The following ATXN1 variants were observed in gnomAD, a reference collection of about 807,000 sequenced individuals.
The protein encoded by ATXN1 is ataxin-1.
A neutral mutation model predicts 56.4 loss-of-function variants in ATXN1; 8 were observed. The observed-to-expected ratio is 0.14, with a 90% CI of 0.08 to 0.26. The LOEUF (loss-of-function observed/expected upper bound fraction) is 0.26, where lower values mean the gene tolerates loss of function less well. Ranked by LOEUF, ATXN1 falls within the 10% of genes least tolerant of loss-of-function variation. The pLI is 1.00. For synonymous variants in ATXN1, 514 were observed against 494.6 expected (o/e 1.04, Z -0.52); for missense variants, 987 against 1,106.5 (o/e 0.89, Z 1.53).
At chr6:16,349,211 A>G (rs562003075) in intron 6 of ATXN1, among the ~76,000 whole-genome samples, 40 of 152,326 alleles carry the variant, frequency 2.6e-4, no homozygotes, top group Admixed American at 2.1e-3. Context: ...GCATAAAAAA[A>G]TCACATTTTC....
chr6:16,712,518 G>A (rs989932635), intron 2 of ATXN1, among the ~76,000 whole-genome samples: 1 of 152,118 alleles, frequency 6.6e-6, no homozygotes, highest in South Asian at 2.1e-4. Flanking sequence ...TGAACTGAAC[G>A]CAAGAAGTAG....
chr6:16,639,601 A>G (rs72825575), intron 3 of ATXN1, among the ~76,000 whole-genome samples: 70 of 150,910 alleles, frequency 4.6e-4, no homozygotes, highest in Admixed American at 8.7e-4. Context: ...GGCCTGAGCC[A>G]TTGCGCCCGG....
Position 16,705,128 on chromosome 6 carries a change from C to T in ATXN1, c.-614-47227G>A, listed in dbSNP as rs542167553. ...CAGCAGTTCACACAGAAGCCAAAAT[C>T]CAGGTAGTGAGCCTATGCTGGGACT... On this transcript the variant is annotated intron_variant, in intron 2 of 7. Coordinates refer to ENST00000436367, the MANE Select transcript of ATXN1 (RefSeq NM_001128164.2). Among the ~76,000 whole-genome samples the T allele has an allele frequency of 4.0e-4, 61 of 152,294 alleles. No homozygotes were observed. The South Asian group carries it at 8.7e-3, about 22-fold the overall frequency.
intron 2 of ATXN1, among the ~76,000 whole-genome samples, chr6:16,694,403 G>A (rs1759116371): frequency 1.3e-5 from 2 of 152,098 alleles, no homozygotes; most frequent in East Asian, 1.9e-4. Context: ...ACAGGTGTGT[G>A]CCACCACGCC....
At chr6:16,639,695 C>G (rs927889272) in intron 3 of ATXN1, among the ~76,000 whole-genome samples, 1 of 152,216 alleles carries the variant, frequency 6.6e-6, no homozygotes, top group Non-Finnish European at 1.5e-5. Flanking sequence ...ATTGTTCTAA[C>G]AGAAATCTGA....
intron 6 of ATXN1, among the ~76,000 whole-genome samples, chr6:16,466,897 T>C (rs1318585823): frequency 6.6e-6 from 1 of 152,256 alleles, no homozygotes; most frequent in African/African-American, 2.4e-5. Context: ...ATTAATGTTC[T>C]TTCCATCTCA....
At chr6:16,562,393 A>C (rs1762135420) in intron 4 of ATXN1, among the ~76,000 whole-genome samples, 1 of 148,498 alleles carries the variant, frequency 6.7e-6, no homozygotes, top group African/African-American at 2.5e-5. Flanking sequence ...AAAAAGAAGA[A>C]GAAGAAAGAA....
At position 16,302,669 on chromosome 6, in the gene ATXN1, T is replaced by G. The variant is rs1349485613; in HGVS notation, c.*3660A>C. 6.6e-6 allele frequency: 1 copy of G among 152,640 alleles called. No individual in the cohort carries two copies. Among genetic ancestry groups the G allele is most frequent in the Non-Finnish European group, 1.5e-5 (1 of 68,036 alleles). 9.5% of individuals were successfully genotyped at this position (152,640 alleles called of 1,614,324 possible). On this transcript the variant is annotated 3_prime_UTR_variant, in exon 8 of 8. Coordinates refer to ENST00000436367, the MANE Select transcript of ATXN1 (RefSeq NM_001128164.2). ...TTGTTTGTTGGTTTCTTATTAATAG[T>G]ATTATTTTTTTCTTTTCGCCCTGAC...
intron 3 of ATXN1, among the ~76,000 whole-genome samples, chr6:16,603,464 AC>A: frequency 6.6e-6 from 1 of 152,282 alleles, no homozygotes; most frequent in East Asian, 1.9e-4. Context: ...TTGAGTGTAC[AC>A]AGCCTTGAGT....
At chr6:16,629,343 CCT>C (rs1763464373) in intron 3 of ATXN1, among the ~76,000 whole-genome samples, 1 of 152,188 alleles carries the variant, frequency 6.6e-6, no homozygotes, top group South Asian at 2.1e-4. Context: ...CCCGCCTCCC[CCT>C]GAGGCAGAGT....
chr6:16,610,934 G>C (rs187533290), intron 3 of ATXN1, among the ~76,000 whole-genome samples: 73 of 152,116 alleles, frequency 4.8e-4, no homozygotes, highest in African/African-American at 1.6e-3. Flanking sequence ...AGGAGGCTGA[G>C]GTGGGGGATC....
intron 3 of ATXN1, among the ~76,000 whole-genome samples, chr6:16,607,013 A>G (rs901200123): frequency 2.4e-4 from 37 of 152,076 alleles, no homozygotes; most frequent in Non-Finnish European, 4.7e-4. Context: ...CAGCCTCCCA[A>G]GTAGCTGGGA....
chr6:16,316,457 AAAG>A (rs1441474572), intron 7 of ATXN1, among the ~76,000 whole-genome samples: 8 of 152,310 alleles, frequency 5.3e-5, no homozygotes, highest in African/African-American at 1.7e-4. Flanking sequence ...TTAAAATCTG[AAAG>A]AAGAGGCCGG....
intron 4 of ATXN1, among the ~76,000 whole-genome samples, chr6:16,559,072 A>G (rs1762067230): frequency 6.6e-6 from 1 of 152,216 alleles, no homozygotes; most frequent in Non-Finnish European, 1.5e-5. Flanking sequence ...CCCATATTAA[A>G]GCTACTAGAA....
At chr6:16,732,150 T>C (rs1251082078) in intron 2 of ATXN1, among the ~76,000 whole-genome samples, 9 of 152,150 alleles carry the variant, frequency 5.9e-5, no homozygotes, top group Admixed American at 3.9e-4. Context: ...CACTGTAGTC[T>C]TTCAACATAA....
At position 16,327,811 on chromosome 6, in the gene ATXN1, G is replaced by A. The variant is rs1222404088; in HGVS notation, c.500C>T (p.Thr167Ile). ...SAVASAAGATTPSQRSQLEAY... is the reference protein window; with the variant it reads ...SAVASAAGATIPSQRSQLEAY... The stretch of plus-strand genomic sequence containing the variant: ...CTCCAGCTGGGAGCGCTGGGATGGA[G>A]TGGTGGCCCCTGCGGCCGAGGCCAC... The change falls in exon 7 of 8, where the codon ACT (threonine) becomes ATT (isoleucine). Residue 167 changes from threonine (T) to isoleucine (I), a missense_variant. Physicochemically the swap from Thr to Ile is moderately conservative, Grantham distance 89. Transcript: ENST00000436367. The A allele has an allele frequency of 2.5e-6, 4 of 1,609,682 alleles. No individual in the cohort carries two copies. Among genetic ancestry groups the A allele is most frequent in the Non-Finnish European group, 3.4e-6 (4 of 1,179,928 alleles).
chr6:16,605,036 T>C (rs1161197721), intron 3 of ATXN1, among the ~76,000 whole-genome samples: 2 of 152,114 alleles, frequency 1.3e-5, no homozygotes. Context: ...CTAGAGACAT[T>C]AGAAAACAAA....
intron 6 of ATXN1, among the ~76,000 whole-genome samples, chr6:16,440,773 T>C (rs1377111217): frequency 1.3e-5 from 2 of 151,530 alleles, no homozygotes; most frequent in Admixed American, 6.6e-5. Context: ...CCAGTAACAA[T>C]AGCAATGATA....
chr6:16,654,176 C>A (rs1447394208), intron 3 of ATXN1, among the ~76,000 whole-genome samples: 1 of 152,176 alleles, frequency 6.6e-6, no homozygotes, highest in Non-Finnish European at 1.5e-5. Context: ...GTGCTGATGG[C>A]AAACACTCAC....
Sources: allele counts gnomAD v4.1 joint callset (sites outside exome capture counted in the v4.1 genomes callset), GRCh38; gene constraint gnomAD v4.1.1; transcripts MANE v1.5; gene names NCBI Gene and HGNC (gene_info 2026-07-23, HGNC 2026-07-21).